Variants in SHCBP1 observed in about 807,000 individuals in gnomAD.
SHCBP1 encodes SHC SH2 domain-binding protein 1.
SHCBP1 carries 60 observed loss-of-function variants against 75.1 expected under a neutral mutation model. That is an observed-to-expected ratio of 0.80 (90% CI 0.65 to 0.99). The LOEUF is 0.99. Among genes scored for constraint, SHCBP1 ranks in the 50% least tolerant of loss-of-function variants. The pLI, the probability that SHCBP1 is intolerant of heterozygous loss-of-function variation, is 0.00. For synonymous variants in SHCBP1, 290 were observed against 293.2 expected, an observed-to-expected ratio of 0.99 and a Z score of 0.11; for missense variants, 709 against 809.4, an observed-to-expected ratio of 0.88 and a Z score of 1.50.
At chr16:46,614,540 T>G (rs1188470639) in intron 4 of SHCBP1, among the ~76,000 whole-genome samples, 1 of 152,212 alleles carries the variant, frequency 6.6e-6, no homozygotes, top group Non-Finnish European at 1.5e-5. Flanking sequence ...AGGTATGGGC[T>G]TTCTTTCCCA....
intron 10 of SHCBP1, among the ~76,000 whole-genome samples, chr16:46,590,907 G>A (rs921904639): frequency 6.6e-6 from 1 of 152,054 alleles, no homozygotes; most frequent in Admixed American, 6.5e-5. Flanking sequence ...GCAAAGACTT[G>A]GAACCAACAA....
chr16:46,610,562 T>TTTTTTTTTTTTTTTTTTTTTTTTTTTG, intron 4 of SHCBP1, among the ~76,000 whole-genome samples: 1 of 121,710 alleles, frequency 8.2e-6, no homozygotes, highest in Admixed American at 9.0e-5. Flanking sequence ...TTTTTTTTTT[T>TTTTTTTTTTTTTTTTTTTTTTTTTTTG]TTTTTTTTTT....
chr16:46,621,027 A>T (rs2143002838), intron 1 of SHCBP1: 1 of 437,284 alleles, frequency 2.3e-6, no homozygotes, highest in African/African-American at 2.1e-5. Context: ...GGCGGAGGCC[A>T]GAGAGTGCAG....
chr16:46,592,886 C>T (rs1205366468), intron 10 of SHCBP1, among the ~76,000 whole-genome samples: 1 of 129,234 alleles, frequency 7.7e-6, no homozygotes, highest in African/African-American at 3.0e-5. Context: ...CATTAAAAGT[C>T]AGCCTAGTCC....
chr16:46,603,717 A>G, intron 7 of SHCBP1, 58 bp from the exon 8 acceptor site: 1 of 1,602,654 alleles, frequency 6.2e-7, no homozygotes, highest in Non-Finnish European at 8.5e-7. Context: ...TAATTTGAGT[A>G]TTACTCTAGG....
intron 10 of SHCBP1, among the ~76,000 whole-genome samples, chr16:46,588,671 C>G (rs1964991526): frequency 6.6e-6 from 1 of 152,250 alleles, no homozygotes; most frequent in South Asian, 2.1e-4. Flanking sequence ...GAAATTGAGG[C>G]AATATTTAAT....
intron 9 of SHCBP1, among the ~76,000 whole-genome samples, chr16:46,598,895 T>A (rs915688794): frequency 6.6e-6 from 1 of 152,254 alleles, no homozygotes; most frequent in Non-Finnish European, 1.5e-5. Flanking sequence ...CCTTGCACTT[T>A]TATGTTACAG....
chr16:46,605,168 C>T (rs993837641), intron 5 of SHCBP1, among the ~76,000 whole-genome samples: 10 of 152,178 alleles, frequency 6.6e-5, no homozygotes, highest in African/African-American at 2.4e-4. Flanking sequence ...CATACTGGCA[C>T]TTCAAATGTA....
At chr16:46,592,407 T>G (rs1430764418) in intron 10 of SHCBP1, among the ~76,000 whole-genome samples, 3 of 152,104 alleles carry the variant, frequency 2.0e-5, no homozygotes, top group Admixed American at 6.6e-5. Context: ...CAATATGAAA[T>G]AGGTCATTTG....
intron 4 of SHCBP1, among the ~76,000 whole-genome samples, chr16:46,615,031 C>A (rs1442645016): frequency 6.6e-6 from 1 of 152,192 alleles, no homozygotes; most frequent in Non-Finnish European, 1.5e-5. Flanking sequence ...TTTGCCTCTG[C>A]CGCCCCTGAG....
chr16:46,591,655 C>G (rs1294234255), intron 10 of SHCBP1, among the ~76,000 whole-genome samples: 1 of 151,942 alleles, frequency 6.6e-6, no homozygotes, highest in Non-Finnish European at 1.5e-5. Context: ...CCAACTTGAT[C>G]TAGTTGACAT....
chr16:46,595,439 AG>A (rs1965120566), intron 10 of SHCBP1, 112 bp downstream of exon 10: 1 of 846,180 alleles, frequency 1.2e-6, no homozygotes, highest in East Asian at 2.4e-5. Context: ...GACTTGGTAG[AG>A]ATGACTGTCT....
chr16:46,610,575 A>G (rs1383194969), intron 4 of SHCBP1, among the ~76,000 whole-genome samples: 1 of 2,436 alleles, frequency 4.1e-4, no homozygotes, highest in African/African-American at 6.3e-4. Flanking sequence ...TTTTTTTTTG[A>G]GACAGTGTGG....
chr16:46,589,028 A>G (rs190436203), intron 10 of SHCBP1, among the ~76,000 whole-genome samples: 3,875 of 152,324 alleles, frequency 0.025, 69 homozygotes, highest in Non-Finnish European at 0.036. Context: ...TATGCAAATC[A>G]ATAAACGTAA....
At chr16:46,604,178 G>T in intron 6 of SHCBP1, 35 bp from the exon 7 acceptor site, 1 of 1,612,948 alleles carries the variant, frequency 6.2e-7, no homozygotes, top group Non-Finnish European at 8.5e-7. Flanking sequence ...CAGTAAGACA[G>T]CAAGTAAGAA....
rs1965512969 is a variant in SHCBP1, at chr16:46,617,203, T to C, written c.387+431A>G. Among the ~76,000 whole-genome samples the C allele has an allele frequency of 2.0e-5, 3 of 152,162 alleles. No homozygotes were observed. The South Asian group carries it at 6.2e-4, about 31-fold the overall frequency. On this transcript the variant is annotated intron_variant, in intron 3 of 12. Transcript: ENST00000303383. ...GGCAAAAACTGGGCTAGTTTAAAAA[T>C]GCCTCTTAGCAGAGGTTGCAGTGAG...
intron 10 of SHCBP1, among the ~76,000 whole-genome samples, chr16:46,594,667 A>G (rs991324928): frequency 1.3e-5 from 2 of 152,128 alleles, no homozygotes; most frequent in African/African-American, 4.8e-5. Flanking sequence ...TACTCTGAAA[A>G]CATTTTAGCG....
intron 8 of SHCBP1, among the ~76,000 whole-genome samples, chr16:46,603,020 C>T (rs544901926): frequency 5.1e-4 from 78 of 152,242 alleles, no homozygotes; most frequent in South Asian, 1.0e-3. Context: ...TTGTGACATT[C>T]GGCAAGCATT....
chr16:46,600,211 TC>T (rs1327704445), intron 8 of SHCBP1, among the ~76,000 whole-genome samples: 9 of 152,100 alleles, frequency 5.9e-5, no homozygotes, highest in Admixed American at 2.6e-4. Context: ...CTATCCCACA[TC>T]AGCTCAGTAC....
Sources: gnomAD v4.1 joint callset for allele counts (sites outside exome capture counted in the v4.1 genomes callset) on GRCh38, gnomAD v4.1.1 for gene constraint, MANE v1.5 for transcripts, NCBI Gene and HGNC (gene_info 2026-07-23, HGNC 2026-07-21) for gene names.